ARL15: variants seen among roughly 807,000 people sequenced by gnomAD.
ARL15 encodes ARF like GTPase 15.
Under a neutral mutation model 25.2 loss-of-function variants are expected in ARL15, and 19 were observed. That is an observed-to-expected ratio of 0.75 (90% confidence interval 0.53 to 1.10). The LOEUF (loss-of-function observed/expected upper bound fraction) is 1.10. Ranked by LOEUF, ARL15 falls within the 50% of genes least tolerant of loss-of-function variation. ARL15 has a pLI of 0.00. For missense variants in ARL15, 220 were observed against 246.0 expected (o/e 0.89, Z 0.71); for synonymous variants, 94 against 86.8 (o/e 1.08, Z -0.46).
At chr5:53,920,398 C>A (rs2112014466) in intron 4 of ARL15, among the ~76,000 whole-genome samples, 1 of 152,210 alleles carries the variant, frequency 6.6e-6, no homozygotes, top group East Asian at 1.9e-4. Context: ...AATGGCTCTT[C>A]AACACAAAGT....
At chr5:53,981,375 G>T (rs966896322) in intron 4 of ARL15, among the ~76,000 whole-genome samples, 1 of 152,128 alleles carries the variant, frequency 6.6e-6, no homozygotes, top group Admixed American at 6.5e-5. Flanking sequence ...AAGCCAGAAG[G>T]CACCCTGAGG....
intron 1 of ARL15, among the ~76,000 whole-genome samples, chr5:54,184,249 T>A (rs1036310007): frequency 1.0e-3 from 115 of 110,626 alleles, no homozygotes; most frequent in Middle Eastern, 5.7e-3. Context: ...TAAAGTATAA[T>A]AAAAAAAAAA....
At chr5:54,307,593 C>T (rs113054923) in intron 1 of ARL15, among the ~76,000 whole-genome samples, 221 of 152,228 alleles carry the variant, frequency 1.5e-3, no homozygotes, top group African/African-American at 5.2e-3. Flanking sequence ...AACAGCGACC[C>T]GAAGATCAGT....
At chr5:54,122,465 A>G (rs1753110804) in intron 3 of ARL15, among the ~76,000 whole-genome samples, 4 of 152,258 alleles carry the variant, frequency 2.6e-5, no homozygotes, top group Admixed American at 6.5e-5. Flanking sequence ...CATACCTTTG[A>G]GAGATGATGT....
intron 4 of ARL15, among the ~76,000 whole-genome samples, chr5:54,074,483 G>A (rs993532321): frequency 1.3e-5 from 2 of 152,192 alleles, no homozygotes; most frequent in African/African-American, 4.8e-5. Flanking sequence ...GAAGAATAAA[G>A]AAGATAAGAT....
rs879313896 is a variant in ARL15 at position 54,257,418 on chromosome 5, C to G, written c.48+53014G>C. Reference sequence around the variant, plus strand: ...AAGCCAACACTTCACCAAAGAGGAACACACCCCTAGGAAAGCCAACATTTG... The same window carrying G: ...AAGCCAACACTTCACCAAAGAGGAAGACACCCCTAGGAAAGCCAACATTTG... On this transcript the variant is annotated intron_variant, in intron 1 of 4. Coordinates refer to ENST00000504924, the MANE Select transcript of ARL15 (RefSeq NM_019087.3). 9.2e-5 allele frequency among the ~76,000 whole-genome samples: 14 copies of G among 152,280 alleles called. No individual in the cohort carries two copies. The Middle Eastern group carries it at 0.01, about 111-fold the overall frequency.
chr5:54,060,116 G>A (rs1751015938), intron 4 of ARL15, among the ~76,000 whole-genome samples: 1 of 126,690 alleles, frequency 7.9e-6, no homozygotes. Context: ...TGAGTCTCAT[G>A]AGATCTGATG....
intron 4 of ARL15, among the ~76,000 whole-genome samples, chr5:53,912,690 T>A (rs1162545940): frequency 6.6e-6 from 1 of 152,214 alleles, no homozygotes; most frequent in Non-Finnish European, 1.5e-5. Context: ...GCTTCCCACA[T>A]ATCATGTGAG....
chr5:54,054,375 GA>G (rs1323530808), intron 4 of ARL15, among the ~76,000 whole-genome samples: 2 of 152,140 alleles, frequency 1.3e-5, no homozygotes, highest in African/African-American at 4.8e-5. Flanking sequence ...CTTTCTGAAA[GA>G]AAAATCTGGA....
At chr5:54,225,751 G>A (rs147722070) in intron 1 of ARL15, among the ~76,000 whole-genome samples, 272 of 152,236 alleles carry the variant, frequency 1.8e-3, no homozygotes, top group Non-Finnish European at 3.1e-3. Flanking sequence ...ACCTTGGGAA[G>A]GAGTAAGGAC....
intron 4 of ARL15, among the ~76,000 whole-genome samples, chr5:53,937,294 TAC>T (rs10647066): frequency 1.9e-3 from 284 of 148,618 alleles, no homozygotes; most frequent in East Asian, 6.9e-3. Flanking sequence ...CGCCTGCGCA[TAC>T]ACACACACAC....
Position 54,200,065 on chromosome 5 carries a change from G to A in ARL15, c.49-28137C>T, listed in dbSNP as rs544367742. On this transcript the variant is annotated intron_variant, in intron 1 of 4. Transcript: ENST00000504924. ...AAGAACAAAAAACCAAACACCGCAT[G>A]TTCTCACTCATAGGTGGGAATTGAA... is the stretch of plus-strand genomic sequence containing the variant. 4.7e-4 allele frequency among the ~76,000 whole-genome samples: 70 copies of A among 148,856 alleles called. No individual in the cohort carries two copies. The Middle Eastern group carries it at 0.01, about 22-fold the overall frequency.
intron 4 of ARL15, among the ~76,000 whole-genome samples, chr5:53,916,293 T>TAAA (rs3055337): frequency 0.79 from 112,027 of 141,770 alleles, 45,011 homozygotes; most frequent in Middle Eastern, 0.86. Flanking sequence ...AATGTAATAT[T>TAAA]AAAAAAAAAA....
At chr5:54,142,203 C>A (rs1160795559) in intron 3 of ARL15, among the ~76,000 whole-genome samples, 1 of 152,146 alleles carries the variant, frequency 6.6e-6, no homozygotes, top group Non-Finnish European at 1.5e-5. Flanking sequence ...GTCTTCAAAC[C>A]CTAACTGATT....
At chr5:54,187,563 C>T (rs1387297447) in intron 1 of ARL15, among the ~76,000 whole-genome samples, 2 of 152,146 alleles carry the variant, frequency 1.3e-5, no homozygotes, top group African/African-American at 2.4e-5. Flanking sequence ...CAGTCTGAAC[C>T]AAGGCAGGTG....
intron 1 of ARL15, among the ~76,000 whole-genome samples, chr5:54,297,380 C>T (rs1303659457): frequency 6.6e-6 from 1 of 152,246 alleles, no homozygotes; most frequent in African/African-American, 2.4e-5. Context: ...CAAGGCCTTT[C>T]CAACAGGACT....
At chr5:54,073,317 A>G (rs1751482517) in intron 4 of ARL15, among the ~76,000 whole-genome samples, 1 of 152,206 alleles carries the variant, frequency 6.6e-6, no homozygotes, top group South Asian at 2.1e-4. Context: ...ATTTCTTCAT[A>G]AACTTTCCAG....
At chr5:54,157,853 G>A (rs1051190506) in intron 2 of ARL15, among the ~76,000 whole-genome samples, 12 of 152,020 alleles carry the variant, frequency 7.9e-5, no homozygotes, top group African/African-American at 2.4e-4. Context: ...TTATTTTTAC[G>A]GTTTAGCTTC....
intron 4 of ARL15, among the ~76,000 whole-genome samples, chr5:54,061,308 A>G (rs2112030720): frequency 6.6e-6 from 1 of 152,302 alleles, no homozygotes; most frequent in South Asian, 2.1e-4. Context: ...GCTGCATAGA[A>G]GTCAAGAATT....
Sources: gnomAD v4.1 joint callset for allele counts (sites outside exome capture counted in the v4.1 genomes callset) on GRCh38, gnomAD v4.1.1 for gene constraint, MANE v1.5 for transcripts, NCBI Gene and HGNC (gene_info 2026-07-23, HGNC 2026-07-21) for gene names.